Variants in MLXIP observed in about 807,000 individuals in gnomAD.
MLXIP encodes the protein MLX-interacting protein.
A neutral mutation model predicts 87.2 loss-of-function variants in MLXIP; 30 were observed. The ratio of observed to expected loss-of-function variants is 0.34; its 90% CI spans 0.26 to 0.47. The LOEUF is 0.47. Ranked by LOEUF, MLXIP falls within the 20% of genes least tolerant of loss-of-function variation. The pLI is 1.00. For missense variants in MLXIP, 1,002 were observed against 1,240.1 expected, an observed-to-expected ratio of 0.81 and a Z score of 2.88; for synonymous variants, 530 against 514.0, an observed-to-expected ratio of 1.03 and a Z score of -0.42.
At chr12:122,128,724 C>G (rs75313846) in intron 3 of MLXIP, 3 of 174,770 alleles carry the variant, frequency 1.7e-5, no homozygotes, top group Non-Finnish European at 2.4e-5. Flanking sequence ...CTGGAGGGCA[C>G]ATTCCACCTG....
intron 1 of MLXIP, among the ~76,000 whole-genome samples, chr12:122,094,768 CTGTG>C (rs1311280084): frequency 1.7e-5 from 2 of 115,592 alleles, no homozygotes; most frequent in Admixed American, 1.8e-4. Context: ...TATGCGGTGT[CTGTG>C]GTGTTGGTGT....
chr12:122,114,278 G>A (rs183094013), intron 1 of MLXIP, among the ~76,000 whole-genome samples: 36 of 152,012 alleles, frequency 2.4e-4, no homozygotes, highest in African/African-American at 6.8e-4. Flanking sequence ...GAGCCACTGC[G>A]CCTGGCTGAC....
In MLXIP at chr12:122,133,497, C is replaced by T. The variant is rs1452742966; in HGVS notation, c.1242C>T (p.Asp414=). ...RTEDPFIQPT[D]FGPSEPPLSV... ...AGGACCCGTTTATCCAGCCCACGGA[C>T]TTCGGTCCCTCAGAGCCGCCACTGA... Residue 414 remains aspartate, a synonymous_variant, in exon 9 of 17, where the codon GAC becomes GAT. Transcript: ENST00000319080. This position sits in a 1 kb window ranked among gnomAD's most constrained non-coding sequence, Gnocchi z 4.9. 1.2e-6 allele frequency: 2 copies of T among 1,612,450 alleles called. No individual in the cohort carries two copies. Among genetic ancestry groups the T allele is most frequent in the Admixed American group, 1.7e-5 (1 of 59,900 alleles).
At chr12:122,129,791 T>C in intron 5 of MLXIP, 150 bp from the exon 6 acceptor site, 1 of 1,287,370 alleles carries the variant, frequency 7.8e-7, no homozygotes, top group Non-Finnish European at 1.1e-6. Context: ...CTGGGTGGGC[T>C]GGAGGGAGCC....
intron 1 of MLXIP, among the ~76,000 whole-genome samples, chr12:122,095,388 T>C (rs1952336897): frequency 1.3e-5 from 2 of 152,044 alleles, no homozygotes; most frequent in South Asian, 4.1e-4. Context: ...TTCCTGGCTC[T>C]GGCTTTTGGA....
At chr12:122,129,083 C>A in intron 3 of MLXIP, 54 bp from the exon 4 acceptor site, 1 of 1,455,234 alleles carries the variant, frequency 6.9e-7, no homozygotes, top group Non-Finnish European at 9.5e-7. Flanking sequence ...ACCAGTTGAG[C>A]TTTGCTAATC....
intron 1 of MLXIP, among the ~76,000 whole-genome samples, chr12:122,102,000 A>G (rs960588403): frequency 2.6e-5 from 4 of 152,234 alleles, no homozygotes; most frequent in Admixed American, 1.3e-4. Context: ...TTTGATGACT[A>G]TCCTTGTTTA....
chr12:122,130,009 TC>T lies in MLXIP; in HGVS notation c.811del (p.Leu271CysfsTer33). On this transcript the variant is annotated frameshift_variant, in exon 6 of 17. Transcript: ENST00000319080. LOFTEE classifies it high-confidence loss of function. ...WKTPVPMEED[P>X]LLDTDMLMSE... is the part of the protein sequence containing the mutation. The stretch of plus-strand genomic sequence containing the variant: ...AGACCCCCGTCCCCATGGAGGAGGA[TC>T]CCCTGCTGGACACAGACATGCTCAT... 1 of 1,613,966 alleles carries T rather than the reference TC, an allele frequency of 6.2e-7. No homozygotes were observed. Among genetic ancestry groups the T allele is most frequent in the Non-Finnish European group, 8.5e-7 (1 of 1,179,864 alleles).
At position 122,133,290 on chromosome 12, in the gene MLXIP, C is replaced by T; in HGVS notation, c.1093-58C>T. On this transcript the variant is annotated intron_variant, in intron 8 of 16. Coordinates refer to ENST00000319080, the MANE Select transcript of MLXIP (RefSeq NM_014938.6). This position sits in a 1 kb window ranked among gnomAD's most constrained non-coding sequence, Gnocchi z 4.9. ...TAGTTGGACTTGGCAGTGTGCAGCG[C>T]TAGAAAGGAATTGTCTGACCCCAGC... 6.6e-7 allele frequency: 1 copy of T among 1,510,340 alleles called. No individual in the cohort carries two copies. The highest frequency in any genetic ancestry group is 8.8e-7 in the Non-Finnish European group (1 of 1,132,658). The allele number at this position is 1,510,340 out of a possible 1,614,324, so 93.6% of individuals were successfully genotyped here. A position where few individuals can be genotyped will look rare whatever the true frequency, so the allele number is the denominator to read the frequency against.
chr12:122,094,450 GTGGTATTGGTGTGTGT>G, intron 1 of MLXIP, among the ~76,000 whole-genome samples: 1 of 144,830 alleles, frequency 6.9e-6, no homozygotes, highest in South Asian at 2.2e-4. Flanking sequence ...GGTGTCTGGT[GTGGTATTGGTGTGTGT>G]GTGTTGGTGT....
rs763578305 is a variant in MLXIP at position 122,133,815 on chromosome 12, T to C, written c.1560T>C (p.Pro520=). Residue 520 remains proline, a synonymous_variant, in exon 9 of 17, where the codon CCT becomes CCC. Transcript: ENST00000319080. This position sits in a 1 kb window ranked among gnomAD's most constrained non-coding sequence, Gnocchi z 4.9. ...ATCACCCTGCCCCGTCAGCGGCCCC[T>C]TGTGGGCTGGCACTGTCTCCTGTCA... ...TTHHPAPSAA[P]CGLALSPVTR... is the part of the protein sequence containing the mutation. The C allele has an allele frequency of 2.5e-5, 40 of 1,612,946 alleles. No homozygotes were observed. The highest frequency in any genetic ancestry group is 2.0e-4 in the South Asian group (18 of 90,914).
intron 1 of MLXIP, among the ~76,000 whole-genome samples, chr12:122,119,777 T>A (rs1952750874): frequency 1.3e-5 from 2 of 152,260 alleles, no homozygotes; most frequent in African/African-American, 2.4e-5. Flanking sequence ...CAGTTTAATG[T>A]CCTTCTCTTC....
intron 1 of MLXIP, among the ~76,000 whole-genome samples, chr12:122,111,374 A>C (rs1025940776): frequency 6.6e-6 from 1 of 152,154 alleles, no homozygotes; most frequent in Non-Finnish European, 1.5e-5. Context: ...TCCTTGATTT[A>C]TTGCCTCTTT....
At chr12:122,108,538 G>A (rs1952557010) in intron 1 of MLXIP, among the ~76,000 whole-genome samples, 1 of 152,006 alleles carries the variant, frequency 6.6e-6, no homozygotes. Context: ...ATAAATGGTT[G>A]GCTTCAAGTT....
Position 122,133,681 on chromosome 12 carries a change from G to A in MLXIP, c.1426G>A (p.Gly476Arg), listed in dbSNP as rs1052036241. ...PTFHQPQKFA[G>R]VNKAPSVITH... ...CTTCCATCAGCCACAGAAGTTTGCT[G>A]GAGTCAACAAAGCGCCGTCTGTCAT... The change falls in exon 9 of 17, where the codon GGA (glycine) becomes AGA (arginine). Residue 476 changes from glycine to arginine, a missense_variant. Gly to Arg is a moderately radical substitution (Grantham distance 125). Transcript: ENST00000319080. This position sits in a 1 kb window ranked among gnomAD's most constrained non-coding sequence, Gnocchi z 4.9. 33 of 1,613,308 alleles carry A rather than the reference G, an allele frequency of 2.0e-5. No individual in the cohort carries two copies. Among genetic ancestry groups the A allele is most frequent in the Non-Finnish European group, 2.8e-5 (33 of 1,179,778 alleles).
Position 122,133,494 on chromosome 12 carries a change from G to C in MLXIP, c.1239G>C (p.Thr413=). 3 of 1,612,468 alleles carry C rather than the reference G, an allele frequency of 1.9e-6. No homozygotes were observed. The highest frequency in any genetic ancestry group is 1.7e-6 in the Non-Finnish European group (2 of 1,179,546). ...CTGAGGACCCGTTTATCCAGCCCAC[G>C]GACTTCGGTCCCTCAGAGCCGCCAC... ...SRTEDPFIQP[T]DFGPSEPPLS... Residue 413 remains threonine, a synonymous_variant, in exon 9 of 17, where the codon ACG becomes ACC. Transcript: ENST00000319080. The surrounding 1 kb of genome is among the most constrained non-coding windows in gnomAD (Gnocchi z 4.9).
At position 122,138,725 on chromosome 12, in the gene MLXIP, C is replaced by T. The variant is rs1953141209; in HGVS notation, c.2385-90C>T. 2.6e-6 allele frequency: 4 copies of T among 1,537,048 alleles called. No individual in the cohort carries two copies. In the Admixed American group the frequency reaches 6.2e-5, roughly 24 times the overall value. Reference sequence around the variant, plus strand: ...TCTCTTCTCTGTGCCTGGCTGTGGCCCGGCACTGGGCCAGCCCTGCCATCT... The same window carrying T: ...TCTCTTCTCTGTGCCTGGCTGTGGCTCGGCACTGGGCCAGCCCTGCCATCT... On this transcript the variant is annotated intron_variant, in intron 14 of 16. Coordinates refer to ENST00000319080, the MANE Select transcript of MLXIP (RefSeq NM_014938.6).
At chr12:122,096,325 G>T (rs570695551) in intron 1 of MLXIP, among the ~76,000 whole-genome samples, 1 of 151,894 alleles carries the variant, frequency 6.6e-6, no homozygotes, top group African/African-American at 2.4e-5. Context: ...GTTGATCACC[G>T]AGAATATTTC....
Position 122,078,946 on chromosome 12 carries a change from C to T in MLXIP, c.93C>T (p.Asp31=), listed in dbSNP as rs1472429648. 1.8e-6 allele frequency: 2 copies of T among 1,117,954 alleles called. No homozygotes were observed. The highest frequency in any genetic ancestry group is 2.7e-5 in the South Asian group (1 of 36,778). 69.3% of individuals were successfully genotyped at this position (1,117,954 alleles called of 1,614,324 possible). A position where few individuals can be genotyped will look rare whatever the true frequency, so the allele number is the denominator to read the frequency against. ...LLKPQVSEDD[D]DSDTDEPSPP... ...AGCCCCAGGTGTCCGAGGACGACGACGACTCGGACACGGATGAGCCGTCCC... is the reference window on the plus strand; with the variant it reads ...AGCCCCAGGTGTCCGAGGACGACGATGACTCGGACACGGATGAGCCGTCCC... The change falls in exon 1 of 17, where the codon GAC becomes GAT. Residue 31 remains aspartate, a synonymous_variant. Transcript: ENST00000319080.
Sources: gnomAD v4.1 joint callset for allele counts (sites outside exome capture counted in the v4.1 genomes callset) on GRCh38, gnomAD v4.1.1 for gene constraint, Gnocchi (gnomAD v3.1) non-coding constraint, MANE v1.5 for transcripts, NCBI Gene and HGNC (gene_info 2026-07-23, HGNC 2026-07-21) for gene names.